ATP1A2: variants seen among roughly 807,000 people sequenced by gnomAD.
ATP1A2 encodes the protein sodium/potassium-transporting ATPase subunit alpha-2.
Under a neutral mutation model 113.1 loss-of-function variants are expected in ATP1A2, and 56 were observed. The ratio of observed to expected loss-of-function variants is 0.49; its 90% CI spans 0.40 to 0.62. The LOEUF (loss-of-function observed/expected upper bound fraction) is 0.62. Ranked by LOEUF, ATP1A2 falls within the 20% of genes least tolerant of loss-of-function variation. ATP1A2 has a pLI of 0.00. For synonymous variants in ATP1A2, 490 were observed against 526.8 expected, an observed-to-expected ratio of 0.93 and a Z score of 0.96; for missense variants, 712 against 1,357.8, an observed-to-expected ratio of 0.52 and a Z score of 7.47.
chr1:160,124,063 T>G lies in ATP1A2; in HGVS notation c.495+7T>G, dbSNP rs377435696. ...CAAGAACATGGTACCTCAGGTAAGA[T>G]GGCAGGGCTGGGCTCTGGGCTAGGC... is the stretch of plus-strand genomic sequence containing the variant. On this transcript the variant is annotated splice_region_variant and intron_variant, in intron 5 of 22. Coordinates refer to ENST00000361216, the MANE Select transcript of ATP1A2 (RefSeq NM_000702.4). The G allele has an allele frequency of 1.5e-5, 25 of 1,613,676 alleles. No homozygotes were observed. The highest frequency in any genetic ancestry group is 2.7e-5 in the African/African-American group (2 of 74,900).
At position 160,128,963 on chromosome 1, in the gene ATP1A2, CCCTCATTT is replaced by C. The variant is rs755994047; in HGVS notation, c.1217-12_1217-5del. ...TAAAGGGAGCCACGCTCCTGGTTCC[CCCTCATTT>C]CCTCCCAGGGGCCACTTTTGACAAA... On this transcript the variant is annotated splice_polypyrimidine_tract_variant and intron_variant, in intron 9 of 22. Coordinates refer to ENST00000361216, the MANE Select transcript of ATP1A2 (RefSeq NM_000702.4). 6.9e-6 allele frequency: 11 copies of C among 1,596,920 alleles called. No homozygotes were observed. The highest frequency in any genetic ancestry group is 9.4e-6 in the Non-Finnish European group (11 of 1,170,654).
chr1:160,120,524 C>T (rs1651358885), intron 1 of ATP1A2, among the ~76,000 whole-genome samples: 1 of 152,210 alleles, frequency 6.6e-6, no homozygotes, highest in Non-Finnish European at 1.5e-5. Flanking sequence ...CCCACAAAAC[C>T]CTGTCCACTC....
At chr1:160,125,508 TTCAA>T (rs1651560294) in intron 7 of ATP1A2, 1 of 515,376 alleles carries the variant, frequency 1.9e-6, no homozygotes, top group African/African-American at 1.9e-5. Flanking sequence ...CTGAGTGGAT[TTCAA>T]AGCTTTCAGG....
rs117849167 is a variant in ATP1A2, at chr1:160,128,543, T to C, written c.1018-109T>C. On this transcript the variant is annotated intron_variant, in intron 8 of 22. Transcript: ENST00000361216. ...TACAGCTAAGTCCCACCCATTCAAG[T>C]TAGTGGAGTAGAATCAGGGGAGGAG... 3 of 1,573,502 alleles carry C rather than the reference T, an allele frequency of 1.9e-6. No individual in the cohort carries two copies. In the East Asian group the frequency reaches 7.0e-5, roughly 37 times the overall value.
intron 19 of ATP1A2, 36 bp from the exon 20 acceptor site, chr1:160,136,865 G>A (rs750967722): frequency 2.2e-5 from 35 of 1,614,036 alleles, no homozygotes; most frequent in East Asian, 6.7e-5. Context: ...CCTTTCCTCC[G>A]ACACTCTCAT....
chr1:160,116,146 A>C (rs1651170357), intron 1 of ATP1A2, among the ~76,000 whole-genome samples: 4 of 140,218 alleles, frequency 2.9e-5, no homozygotes, highest in Non-Finnish European at 4.6e-5. Flanking sequence ...CTCTCCCTCC[A>C]CCCCACTCCC....
chr1:160,116,413 C>G (rs921196904), intron 1 of ATP1A2, among the ~76,000 whole-genome samples: 1 of 152,024 alleles, frequency 6.6e-6, no homozygotes, highest in African/African-American at 2.4e-5. Flanking sequence ...GACAGCTGGG[C>G]GGGGTGTGGG....
At chr1:160,130,317 A>C (rs1289371686) in intron 12 of ATP1A2, 26 bp downstream of exon 12, 11 of 1,614,146 alleles carry the variant, frequency 6.8e-6, no homozygotes, top group Non-Finnish European at 9.3e-6. Context: ...CAGGAGGCTC[A>C]GAAGGGGATT....
At chr1:160,137,326 C>A (rs1287436701) in intron 20 of ATP1A2, 6 of 451,776 alleles carry the variant, frequency 1.3e-5, no homozygotes, top group Non-Finnish European at 2.5e-5. Flanking sequence ...TTTGCCCAGC[C>A]CTAAATCCAG....
In ATP1A2 at chr1:160,121,269, T is replaced by C; in HGVS notation, c.177+18T>C. 1 of 1,614,046 alleles carries C rather than the reference T, an allele frequency of 6.2e-7. No homozygotes were observed. The highest frequency in any genetic ancestry group is 8.5e-7 in the Non-Finnish European group (1 of 1,179,938). ...TGTCCAAGGTGAGTGGAGGGGCTTCTAGGGAAGGAACAAAAGAGGCAAGAA... is the reference window on the plus strand; with the variant it reads ...TGTCCAAGGTGAGTGGAGGGGCTTCCAGGGAAGGAACAAAAGAGGCAAGAA... On this transcript the variant is annotated intron_variant, in intron 3 of 22. Transcript: ENST00000361216.
Position 160,130,157 on chromosome 1 carries a change from G to T in ATP1A2, c.1517G>T (p.Gly506Val), listed in dbSNP as rs756853546. The change falls in exon 12 of 23, where the codon GGG becomes GTG. Residue 506 changes from glycine (G) to valine (V), a missense_variant. By Grantham distance (109) the Gly-to-Val change is moderately radical. This residue lies in a region of ATP1A2 where 263 missense variants were observed against 380.6 expected (regional missense o/e 0.69). Transcript: ENST00000361216. The part of the protein sequence containing the change: ...SPQSHVLVMK[G>V]APERILDRCS... ...CAGAGCCACGTGCTGGTGATGAAGG[G>T]GGCCCCAGAGCGCATTCTGGACCGG... The T allele has an allele frequency of 6.2e-7, 1 of 1,614,088 alleles. No individual in the cohort carries two copies. The highest frequency in any genetic ancestry group is 1.3e-5 in the African/African-American group (1 of 74,930).
At chr1:160,129,189 G>A in intron 10 of ATP1A2, 77 bp from the exon 11 acceptor site, 2 of 1,611,258 alleles carry the variant, frequency 1.2e-6, no homozygotes, top group Non-Finnish European at 1.7e-6. Flanking sequence ...TGCCTTGGGG[G>A]TTTCAGTGCC....
At position 160,134,498 on chromosome 1, in the gene ATP1A2, C is replaced by T. The variant is rs760365280; in HGVS notation, c.1842C>T (p.Thr614=). The change falls in exon 14 of 23, where the codon ACC becomes ACT. Residue 614 remains threonine, a synonymous_variant. Coordinates refer to ENST00000361216, the MANE Select transcript of ATP1A2 (RefSeq NM_000702.4). Reference sequence around the variant, plus strand: ...CTTCCCACTAGGTGATCATGGTAACCGGGGATCACCCTATCACAGCCAAGG... The same window carrying T: ...CTTCCCACTAGGTGATCATGGTAACTGGGGATCACCCTATCACAGCCAAGG... The part of the protein sequence containing the change: ...RSAGIKVIMV[T]GDHPITAKAI... 1.1e-5 allele frequency: 18 copies of T among 1,614,018 alleles called. No individual in the cohort carries two copies. In the East Asian group the frequency reaches 2.2e-4, roughly 20 times the overall value.
In ATP1A2 at chr1:160,143,540, AC is replaced by A. The variant is rs1652218617; in HGVS notation, c.*2219del. ...CTTTTGTAAGACATTAGTTTGAGGT[AC>A]TACCTATGTACTTGAAAATAATAAA... is the stretch of plus-strand genomic sequence containing the variant. On this transcript the variant is annotated 3_prime_UTR_variant, in exon 23 of 23. Transcript: ENST00000361216. 6.6e-6 allele frequency: 1 copy of A among 152,668 alleles called. No homozygotes were observed. 9.5% of individuals were successfully genotyped at this position (152,668 alleles called of 1,614,324 possible).
chr1:160,128,251 C>A (rs1003031815), intron 8 of ATP1A2: 6 of 425,440 alleles, frequency 1.4e-5, no homozygotes, highest in Non-Finnish European at 2.6e-5. Context: ...GTGTCACTAT[C>A]CTGGTTCGCC....
In ATP1A2 at chr1:160,135,333, C is replaced by G. The variant is rs762689022; in HGVS notation, c.2115+38C>G. 1 of 1,614,084 alleles carries G rather than the reference C, an allele frequency of 6.2e-7. No homozygotes were observed. The highest frequency in any genetic ancestry group is 1.7e-5 in the Admixed American group (1 of 60,016). ...ACGGGAGGCAGATGACAGGCAGGGACCGGGGAGGCAGGGACAGGGCCAAGA... is the reference window on the plus strand; with the variant it reads ...ACGGGAGGCAGATGACAGGCAGGGAGCGGGGAGGCAGGGACAGGGCCAAGA... On this transcript the variant is annotated intron_variant, in intron 15 of 22. Transcript: ENST00000361216. This position sits in a 1 kb window ranked among gnomAD's most constrained non-coding sequence, Gnocchi z 6.3.
chr1:160,136,744 C>T, intron 19 of ATP1A2, 29 bp downstream of exon 19: 4 of 1,614,120 alleles, frequency 2.5e-6, no homozygotes, highest in Non-Finnish European at 2.5e-6. Flanking sequence ...ACACAGCGCA[C>T]ATGTGTGAAG....
chr1:160,123,125 C>T, intron 3 of ATP1A2, 88 bp from the exon 4 acceptor site: 1 of 1,468,404 alleles, frequency 6.8e-7, no homozygotes, highest in Non-Finnish European at 9.4e-7. Flanking sequence ...GGGCATTCTT[C>T]CCATGCCCGG....
rs773774617 is a variant in ATP1A2, at chr1:160,128,783, C to G, written c.1149C>G (p.Arg383=). 6.2e-7 allele frequency: 1 copy of G among 1,614,216 alleles called. No individual in the cohort carries two copies. The highest frequency in any genetic ancestry group is 8.5e-7 in the Non-Finnish European group (1 of 1,180,030). ...SDKTGTLTQN[R]MTVAHMWFDN... is the part of the protein sequence containing the mutation. ...AGACGGGCACCCTCACCCAGAACCG[C>G]ATGACCGTCGCCCACATGTGGTTCG... Residue 383 remains arginine (R), a synonymous_variant, in exon 9 of 23, where the codon CGC becomes CGG. Coordinates refer to ENST00000361216, the MANE Select transcript of ATP1A2 (RefSeq NM_000702.4).
Sources: gnomAD v4.1 joint callset for allele counts (sites outside exome capture counted in the v4.1 genomes callset) on GRCh38, gnomAD v4.1.1 for gene constraint, gnomAD v4.1.1 regional missense constraint, Gnocchi (gnomAD v3.1) non-coding constraint, MANE v1.5 for transcripts, NCBI Gene and HGNC (gene_info 2026-07-23, HGNC 2026-07-21) for gene names.